Variants in NADK2 observed in about 807,000 individuals in gnomAD.
NADK2 encodes the protein NAD kinase 2, mitochondrial, also known as NAD kinase domain-containing protein 1, mitochondrial.
In NADK2, 35 loss-of-function variants were observed where a neutral mutation model predicts 62.1. The ratio of observed to expected loss-of-function variants is 0.56; its 90% CI spans 0.43 to 0.75. NADK2 has a LOEUF of 0.75. NADK2 is among the 30% of genes least tolerant of loss of function. NADK2 has a pLI of 0.00. For missense variants in NADK2, 439 were observed against 561.3 expected, an observed-to-expected ratio of 0.78 and a Z score of 2.20; for synonymous variants, 205 against 207.9, an observed-to-expected ratio of 0.99 and a Z score of 0.12.
At chr5:36,239,848 C>T (rs775512248) in intron 1 of NADK2, among the ~76,000 whole-genome samples, 4 of 152,174 alleles carry the variant, frequency 2.6e-5, no homozygotes, top group Non-Finnish European at 5.9e-5. Context: ...AGTATCATTT[C>T]CACCTATGAG....
At chr5:36,215,492 A>G (rs1461379817) in intron 6 of NADK2, among the ~76,000 whole-genome samples, 9 of 152,192 alleles carry the variant, frequency 5.9e-5, no homozygotes, top group Non-Finnish European at 1.3e-4. Context: ...TTTGAAATAT[A>G]CAATAAATTG....
chr5:36,219,857 G>T (rs1561067780), intron 4 of NADK2, among the ~76,000 whole-genome samples, 178 bp from the exon 5 acceptor site: 1 of 152,060 alleles, frequency 6.6e-6, no homozygotes, highest in Non-Finnish European at 1.5e-5. Flanking sequence ...AAACAAAAAA[G>T]ACCAGATAGA....
chr5:36,237,385 TA>T (rs1351965428), intron 1 of NADK2, among the ~76,000 whole-genome samples: 2 of 152,054 alleles, frequency 1.3e-5, no homozygotes, highest in Non-Finnish European at 2.9e-5. Context: ...TATCATTGAA[TA>T]AAAAGAGATG....
chr5:36,219,667 A>G lies in NADK2; in HGVS notation c.573T>C (p.His191=). The change falls in exon 5 of 12, where the codon CAT becomes CAC. Residue 191 remains histidine (H), a synonymous_variant. Transcript: ENST00000381937. ...VNTDPERSEG[H]LCLPVRYTHS... ...GTGTATATCGAACGGGCAGGCATAAATGACCCTCAGACCTATATTTTAACA... is the reference window on the plus strand; with the variant it reads ...GTGTATATCGAACGGGCAGGCATAAGTGACCCTCAGACCTATATTTTAACA... 1 of 1,613,936 alleles carries G rather than the reference A, an allele frequency of 6.2e-7. No homozygotes were observed. Among genetic ancestry groups the G allele is most frequent in the Non-Finnish European group, 8.5e-7 (1 of 1,179,856 alleles).
rs879702521 is a variant in NADK2, at chr5:36,235,886, AATATAT to A, written c.300+5607_300+5612del. On this transcript the variant is annotated intron_variant, in intron 1 of 11. Transcript: ENST00000381937. ...ATATCTAGTGGTTTATTATGAAGAAAATATATATATATATATATATAAAAAATAAAT... is the reference window on the plus strand; with the variant it reads ...ATATCTAGTGGTTTATTATGAAGAAAATATATATATATATAAAAAATAAAT... 8.2e-4 allele frequency among the ~76,000 whole-genome samples: 15 copies of A among 18,400 alleles called. No individual in the cohort carries two copies. The South Asian group carries it at 0.012, about 15-fold the overall frequency. The allele number at this position is 18,400 out of a possible 152,430, so 12.1% of individuals were successfully genotyped here. A position where few individuals can be genotyped will look rare whatever the true frequency, so the allele number is the denominator to read the frequency against.
chr5:36,238,117 T>C (rs1747975398), intron 1 of NADK2, among the ~76,000 whole-genome samples: 1 of 152,208 alleles, frequency 6.6e-6, no homozygotes, highest in Admixed American at 6.5e-5. Flanking sequence ...TTAACAATCA[T>C]ATTGTATGTA....
chr5:36,211,997 AC>A (rs1161884894), intron 6 of NADK2, 75 bp from the exon 7 acceptor site: 4 of 1,077,940 alleles, frequency 3.7e-6, no homozygotes, highest in African/African-American at 3.2e-5. Flanking sequence ...ATTTTATAAA[AC>A]ACTACAACTT....
At chr5:36,209,540 G>C (rs1746762648) in intron 7 of NADK2, among the ~76,000 whole-genome samples, 1 of 151,944 alleles carries the variant, frequency 6.6e-6, no homozygotes, top group South Asian at 2.1e-4. Context: ...CTCATTTAAA[G>C]TTCTTCCTCT....
chr5:36,217,739 T>C lies in NADK2; in HGVS notation c.781+9A>G. ...TTCCCCAAACACATCTGATGCCCAA[T>C]CCACCTACTTTCATCATGAGCTCTT... On this transcript the variant is annotated intron_variant, in intron 6 of 11. Transcript: ENST00000381937. The C allele has an allele frequency of 6.2e-7, 1 of 1,613,664 alleles. No homozygotes were observed. The highest frequency in any genetic ancestry group is 8.5e-7 in the Non-Finnish European group (1 of 1,179,760).
At chr5:36,216,009 T>A (rs1228444644) in intron 6 of NADK2, among the ~76,000 whole-genome samples, 1 of 152,178 alleles carries the variant, frequency 6.6e-6, no homozygotes, top group Non-Finnish European at 1.5e-5. Context: ...TTGAGAAACC[T>A]TCATGCTGTT....
At chr5:36,230,055 T>C (rs1747649374) in intron 1 of NADK2, among the ~76,000 whole-genome samples, 1 of 151,908 alleles carries the variant, frequency 6.6e-6, no homozygotes, top group African/African-American at 2.4e-5. Context: ...AGGGGTTCCC[T>C]ACTTCCACTC....
In NADK2 at chr5:36,195,326, A is replaced by C. The variant is rs753845417; in HGVS notation, c.1191-44T>G. 4.5e-6 allele frequency: 7 copies of C among 1,542,776 alleles called. No individual in the cohort carries two copies. In the East Asian group the frequency reaches 1.4e-4, roughly 32 times the overall value. On this transcript the variant is annotated intron_variant, in intron 11 of 11. Coordinates refer to ENST00000381937, the MANE Select transcript of NADK2 (RefSeq NM_001085411.3). ...CTCATTAAATAGTAATAGTTTTCTT[A>C]ATAGGTTATTTTAATCCTGAATTTT... is the stretch of plus-strand genomic sequence containing the variant.
At chr5:36,199,213 T>TA (rs979587566) in intron 10 of NADK2, among the ~76,000 whole-genome samples, 2 of 151,582 alleles carry the variant, frequency 1.3e-5, no homozygotes, top group South Asian at 2.1e-4. Flanking sequence ...ATAATAAAAT[T>TA]AAAAAAAAGA....
In NADK2 at chr5:36,195,070, C is replaced by T. The variant is rs1383471403; in HGVS notation, c.*74G>A. On this transcript the variant is annotated 3_prime_UTR_variant, in exon 12 of 12. Transcript: ENST00000381937. ...TCTCAACAATAACCAAAAAATGTCA[C>T]TTTACGACTGGTAGTCTGTTTCTGA... 2 of 1,517,352 alleles carry T rather than the reference C, an allele frequency of 1.3e-6. No homozygotes were observed. The highest frequency in any genetic ancestry group is 1.8e-6 in the Non-Finnish European group (2 of 1,129,766). 94.0% of individuals were successfully genotyped at this position (1,517,352 alleles called of 1,614,324 possible).
intron 6 of NADK2, among the ~76,000 whole-genome samples, chr5:36,216,801 C>T (rs899284760): frequency 5.3e-5 from 8 of 152,104 alleles, no homozygotes; most frequent in Non-Finnish European, 8.8e-5. Flanking sequence ...GAAGTAACTT[C>T]TTTCAGTGAG....
In NADK2 at chr5:36,226,607, T is replaced by C. The variant is rs761200074; in HGVS notation, c.390-44A>G. ...GGTTATATGAAATTTCCACTAATAA[T>C]ATATATAACAGGGGTATGTTTTCTG... On this transcript the variant is annotated intron_variant, in intron 2 of 11. Transcript: ENST00000381937. The C allele has an allele frequency of 4.5e-6, 6 of 1,343,378 alleles. No individual in the cohort carries two copies. In the Admixed American group the frequency reaches 8.6e-5, roughly 19 times the overall value. 83.2% of individuals were successfully genotyped at this position (1,343,378 alleles called of 1,614,324 possible). A position where few individuals can be genotyped will look rare whatever the true frequency, so the allele number is the denominator to read the frequency against.
chr5:36,230,760 G>A lies in NADK2; in HGVS notation c.301-3195C>T, dbSNP rs542624053. Among the ~76,000 whole-genome samples, 3 of 148,946 alleles carry A rather than the reference G, an allele frequency of 2.0e-5. No individual in the cohort carries two copies. In the East Asian group the frequency reaches 5.9e-4, roughly 29 times the overall value. On this transcript the variant is annotated intron_variant, in intron 1 of 11. Coordinates refer to ENST00000381937, the MANE Select transcript of NADK2 (RefSeq NM_001085411.3). ...ATTATCTCTTACAATTCCACTTTAGGCGTGAACACTTTACACAGCTAGAAG... is the reference window on the plus strand; with the variant it reads ...ATTATCTCTTACAATTCCACTTTAGACGTGAACACTTTACACAGCTAGAAG...
At chr5:36,231,143 C>G (rs1182566989) in intron 1 of NADK2, among the ~76,000 whole-genome samples, 1 of 152,136 alleles carries the variant, frequency 6.6e-6, no homozygotes, top group Non-Finnish European at 1.5e-5. Context: ...AACTTTTATG[C>G]TTACTTCCTG....
intron 1 of NADK2, among the ~76,000 whole-genome samples, chr5:36,240,634 A>C (rs1748071541): frequency 6.6e-6 from 1 of 152,160 alleles, no homozygotes; most frequent in South Asian, 2.1e-4. Flanking sequence ...AACTGTTTTT[A>C]AAGTTGGTGG....
Sources: allele counts gnomAD v4.1 joint callset (sites outside exome capture counted in the v4.1 genomes callset), GRCh38; gene constraint gnomAD v4.1.1; transcripts MANE v1.5; gene names NCBI Gene and HGNC (gene_info 2026-07-23, HGNC 2026-07-21).